The following NBAS variants were observed in gnomAD, a reference collection of about 807,000 sequenced individuals.
NBAS encodes the protein NAG/BC035112 fusion.
In NBAS, 219 loss-of-function variants were observed where a neutral mutation model predicts 302.5. The observed-to-expected ratio is 0.72, with a 90% CI of 0.65 to 0.81. The LOEUF (loss-of-function observed/expected upper bound fraction) is 0.81, where lower values mean the gene tolerates loss of function less well. NBAS is among the 30% of genes least tolerant of loss of function. The pLI is 0.00. For synonymous variants in NBAS, 1,118 were observed against 1,021.6 expected (o/e 1.09, Z -1.80); for missense variants, 2,932 against 2,841.6 (o/e 1.03, Z -0.72).
the NBAS span, among the ~76,000 whole-genome samples, chr2:14,933,749 C>T: frequency 6.6e-6 from 1 of 152,058 alleles, no homozygotes; most frequent in Non-Finnish European, 1.5e-5. Context: ...TCAAGGCTAC[C>T]GTGTTTGTAA....
intron 18 of NBAS, 51 bp downstream of exon 18, chr2:15,467,613 T>A (rs1469332451): frequency 3.2e-6 from 5 of 1,543,018 alleles, no homozygotes; most frequent in Non-Finnish European, 4.5e-6. Context: ...CACACTGAAA[T>A]GATTAGTTAT....
chr2:15,248,207 G>C (rs749185037), intron 44 of NBAS, among the ~76,000 whole-genome samples: 1 of 152,098 alleles, frequency 6.6e-6, no homozygotes, highest in African/African-American at 2.4e-5. Context: ...ATGACTACTC[G>C]GTGAATAACA....
At chr2:15,041,854 T>C in the NBAS span, among the ~76,000 whole-genome samples, 2 of 152,198 alleles carry the variant, frequency 1.3e-5, no homozygotes, top group Admixed American at 1.3e-4. Flanking sequence ...TTTCTTTTCT[T>C]TTTTTCCCTT....
At chr2:15,024,740 T>C in the NBAS span, among the ~76,000 whole-genome samples, 1 of 152,210 alleles carries the variant, frequency 6.6e-6, no homozygotes, top group Non-Finnish European at 1.5e-5. Context: ...ATTTTTAAAA[T>C]GCTTTTTGGT....
At chr2:15,543,575 T>C (rs1427061654) in intron 6 of NBAS, among the ~76,000 whole-genome samples, 1 of 152,168 alleles carries the variant, frequency 6.6e-6, no homozygotes, top group East Asian at 1.9e-4. Context: ...CTCACAATCA[T>C]GGTGGAAGGC....
chr2:15,186,180 G>C (rs924276240), intron 50 of NBAS, among the ~76,000 whole-genome samples: 7 of 149,874 alleles, frequency 4.7e-5, no homozygotes, highest in Non-Finnish European at 1.0e-4. Flanking sequence ...GTATATATAT[G>C]CATATATATA....
chr2:14,916,439 T>C, the NBAS span, among the ~76,000 whole-genome samples: 5 of 152,198 alleles, frequency 3.3e-5, no homozygotes, highest in Admixed American at 3.3e-4. Context: ...ATTTTCATTG[T>C]TTTCTTTTCT....
the NBAS span, among the ~76,000 whole-genome samples, chr2:15,021,590 T>C: frequency 6.6e-6 from 1 of 152,114 alleles, no homozygotes. Flanking sequence ...AGGAAGGCCT[T>C]TGGGAGCTCA....
chr2:15,075,610 T>C, the NBAS span, among the ~76,000 whole-genome samples: 1 of 152,246 alleles, frequency 6.6e-6, no homozygotes, highest in African/African-American at 2.4e-5. Flanking sequence ...CCCAATTTCC[T>C]ACTCAATCTT....
Position 15,218,914 on chromosome 2 carries a change from A to G in NBAS, c.6291T>C (p.Ala2097=). Residue 2097 remains alanine (A), a synonymous_variant, in exon 48 of 52, where the codon GCT becomes GCC. Coordinates refer to ENST00000281513, the MANE Select transcript of NBAS (RefSeq NM_015909.4). ...DLLEWLRPFC[A]DDAWPVRPRI... is the part of the protein sequence containing the mutation. Reference sequence around the variant, plus strand: ...GGGGCCGCACCGGCCAGGCGTCATCAGCACAGAAAGGCCGCAGCCACTCCA... The same window carrying G: ...GGGGCCGCACCGGCCAGGCGTCATCGGCACAGAAAGGCCGCAGCCACTCCA... 1 of 1,614,264 alleles carries G rather than the reference A, an allele frequency of 6.2e-7. No homozygotes were observed. The highest frequency in any genetic ancestry group is 8.5e-7 in the Non-Finnish European group (1 of 1,180,050).
chr2:14,786,945 G>T, the NBAS span, among the ~76,000 whole-genome samples: 16 of 152,208 alleles, frequency 1.1e-4, no homozygotes, highest in East Asian at 1.4e-3. Context: ...CATTATTATT[G>T]TGTGGGAGTC....
intron 33 of NBAS, among the ~76,000 whole-genome samples, chr2:15,354,641 G>C (rs1206851648): frequency 6.6e-6 from 1 of 152,156 alleles, no homozygotes; most frequent in East Asian, 1.9e-4. Context: ...GTAATATATT[G>C]AATCATTTTT....
At chr2:14,920,043 G>A in the NBAS span, among the ~76,000 whole-genome samples, 1 of 152,112 alleles carries the variant, frequency 6.6e-6, no homozygotes, top group Admixed American at 6.5e-5. Flanking sequence ...GCCCATCAGG[G>A]AAATCACTAT....
intron 31 of NBAS, among the ~76,000 whole-genome samples, chr2:15,369,535 T>A (rs1442646107): frequency 6.6e-6 from 1 of 152,224 alleles, no homozygotes; most frequent in Non-Finnish European, 1.5e-5. Context: ...TATTTTCTGA[T>A]CCTCTGGACA....
At chr2:14,931,865 T>C in the NBAS span, among the ~76,000 whole-genome samples, 1 of 152,356 alleles carries the variant, frequency 6.6e-6, no homozygotes, top group African/African-American at 2.4e-5. Flanking sequence ...CCGTATTTAC[T>C]ATCATTGTTT....
intron 42 of NBAS, among the ~76,000 whole-genome samples, chr2:15,278,213 G>A (rs545563816): frequency 2.0e-5 from 3 of 152,152 alleles, no homozygotes; most frequent in Non-Finnish European, 4.4e-5. Flanking sequence ...GTTAAAAAGG[G>A]TAATCTACAA....
At chr2:15,237,458 T>A (rs1667644838) in intron 45 of NBAS, among the ~76,000 whole-genome samples, 1 of 151,896 alleles carries the variant, frequency 6.6e-6, no homozygotes, top group Non-Finnish European at 1.5e-5. Context: ...ACATGCAACA[T>A]AAAAACAGGA....
At chr2:14,929,722 G>C in the NBAS span, among the ~76,000 whole-genome samples, 1 of 152,104 alleles carries the variant, frequency 6.6e-6, no homozygotes, top group African/African-American at 2.4e-5. Context: ...CCCATGAGAA[G>C]ATGGGGTTAA....
intron 34 of NBAS, among the ~76,000 whole-genome samples, chr2:15,352,724 C>T (rs1040682293): frequency 6.6e-6 from 1 of 152,028 alleles, no homozygotes; most frequent in Admixed American, 6.6e-5. Flanking sequence ...GGTGGAATGC[C>T]CTCACAGGTC....
Sources: allele counts gnomAD v4.1 joint callset (sites outside exome capture counted in the v4.1 genomes callset), GRCh38; gene constraint gnomAD v4.1.1; transcripts MANE v1.5; gene names NCBI Gene and HGNC (gene_info 2026-07-23, HGNC 2026-07-21).